Variants in MFAP5 observed in about 807,000 individuals in gnomAD.
MFAP5 encodes the protein microfibril associated protein 5.
In MFAP5, 19 loss-of-function variants were observed where a neutral mutation model predicts 30.1. That is an observed-to-expected ratio of 0.63 (90% CI 0.44 to 0.93). MFAP5 has a LOEUF of 0.93. Ranked by LOEUF, MFAP5 falls within the 40% of genes least tolerant of loss-of-function variation. The probability of loss-of-function intolerance (pLI) is 0.00; values close to 1 mark genes in which losing one functional copy is unlikely to be tolerated. For missense variants in MFAP5, 210 were observed against 221.3 expected (o/e 0.95, Z 0.32); for synonymous variants, 92 against 72.9 (o/e 1.26, Z -1.33).
At chr12:8,651,582 G>A in intron 7 of MFAP5, 80 bp downstream of exon 7, 1 of 1,359,676 alleles carries the variant, frequency 7.4e-7, no homozygotes, top group Non-Finnish European at 1.1e-6. Flanking sequence ...GATGTGCCAA[G>A]TACCCTCCAA....
At chr12:8,655,483 G>A in intron 4 of MFAP5, 36 bp from the exon 5 acceptor site, 2 of 1,592,790 alleles carry the variant, frequency 1.3e-6, no homozygotes, top group Non-Finnish European at 8.6e-7. Context: ...AAAAAATGCA[G>A]TCAGGAAAAG....
At chr12:8,656,649 C>CACATATAT (rs1265607160) in intron 3 of MFAP5, among the ~76,000 whole-genome samples, 3 of 109,076 alleles carry the variant, frequency 2.8e-5, no homozygotes, top group Non-Finnish European at 5.7e-5. Context: ...CACACACACA[C>CACATATAT]ATATATATAT....
At chr12:8,655,545 G>T in intron 4 of MFAP5, 98 bp from the exon 5 acceptor site, 4 of 1,301,186 alleles carry the variant, frequency 3.1e-6, no homozygotes, top group Non-Finnish European at 4.3e-6. Context: ...AGGCAAGAAA[G>T]GCTGAAGTGA....
At chr12:8,656,583 T>TATATATACACACACACACACACACAC (rs1941995098) in intron 3 of MFAP5, among the ~76,000 whole-genome samples, 1 of 135,668 alleles carries the variant, frequency 7.4e-6, no homozygotes, top group African/African-American at 3.0e-5. Flanking sequence ...AATATATATA[T>TATATATACACACACACACACACACAC]ATATATATAC....
chr12:8,662,205 C>G, intron 1 of MFAP5, 99 bp from the exon 2 acceptor site: 4 of 923,538 alleles, frequency 4.3e-6, no homozygotes, highest in South Asian at 3.3e-5. Context: ...GTCTCTTTGT[C>G]TTCCCAGAAC....
In MFAP5 at chr12:8,648,112, C is replaced by T; in HGVS notation, c.501G>A (p.Leu167=). The T allele has an allele frequency of 6.2e-7, 1 of 1,613,736 alleles. No individual in the cohort carries two copies. ...ATGATCACAGACCATTGGGTCTCTG[C>T]AAATCCACATTTTCACAGGGAGGAA... ...FRLPPCENVD[L]QRPNGL The change falls in exon 10 of 10, where the codon TTG becomes TTA. Residue 167 remains leucine (L), a synonymous_variant. Transcript: ENST00000359478.
In MFAP5 at chr12:8,659,818, A is replaced by G. The variant is rs75520414; in HGVS notation, c.94+1045T>C. 4.3e-3 allele frequency among the ~76,000 whole-genome samples: 651 copies of G among 152,322 alleles called. 4 individuals carry two copies. Among genetic ancestry groups the G allele is most frequent in the African/African-American group, 0.012 (486 of 41,564 alleles). On this transcript the variant is annotated intron_variant, in intron 3 of 9. Transcript: ENST00000359478. The stretch of plus-strand genomic sequence containing the variant: ...ACTTTACTCTTGCAAAACACATGCA[A>G]TGCATCCCGGTATATTTGTTTTGGT...
intron 6 of MFAP5, 144 bp downstream of exon 6, chr12:8,654,293 G>T (rs1941921978): frequency 1.4e-6 from 1 of 722,468 alleles, no homozygotes; most frequent in Non-Finnish European, 2.2e-6. Flanking sequence ...TCATTAATTT[G>T]AATTGAACTA....
chr12:8,653,192 CAAAAA>C (rs71451973), intron 6 of MFAP5, among the ~76,000 whole-genome samples: 3 of 110,978 alleles, frequency 2.7e-5, no homozygotes, highest in Admixed American at 9.6e-5. Context: ...GACTCTGTGT[CAAAAA>C]AAAAAAAAAA....
In MFAP5 at chr12:8,646,016, T is replaced by C. The variant is rs1941671407; in HGVS notation, c.*2075A>G. ...ATTTTAAAATGTTTAATTTGCAATA[T>C]ACATAATACTGGAATTGAAATGCTG... On this transcript the variant is annotated 3_prime_UTR_variant, in exon 10 of 10. Coordinates refer to ENST00000359478, the MANE Select transcript of MFAP5 (RefSeq NM_003480.4). 1 of 152,664 alleles carries C rather than the reference T, an allele frequency of 6.6e-6. No homozygotes were observed. The highest frequency in any genetic ancestry group is 1.5e-5 in the Non-Finnish European group (1 of 68,038). The allele number at this position is 152,664 out of a possible 1,614,324, so 9.5% of individuals were successfully genotyped here.
Position 8,646,183 on chromosome 12 carries a change from T to A in MFAP5, c.*1908A>T, listed in dbSNP as rs1323274380. 2.0e-5 allele frequency: 3 copies of A among 152,628 alleles called. No individual in the cohort carries two copies. The highest frequency in any genetic ancestry group is 2.9e-5 in the Non-Finnish European group (2 of 68,040). 9.5% of individuals were successfully genotyped at this position (152,628 alleles called of 1,614,324 possible). Reference sequence around the variant, plus strand: ...TTAATATGTTGTCTAAATGAGTACATTTAATTCTAGAGACTGTAAGGAGTA... The same window carrying A: ...TTAATATGTTGTCTAAATGAGTACAATTAATTCTAGAGACTGTAAGGAGTA... On this transcript the variant is annotated 3_prime_UTR_variant, in exon 10 of 10. Coordinates refer to ENST00000359478, the MANE Select transcript of MFAP5 (RefSeq NM_003480.4).
Position 8,648,001 on chromosome 12 carries a change from G to T in MFAP5, c.*90C>A. ...CAAAAGGATTGGTTTAAGAAATACT[G>T]TCTAAGGGTTAGCTGTCAATGGTTG... On this transcript the variant is annotated 3_prime_UTR_variant, in exon 10 of 10. Coordinates refer to ENST00000359478, the MANE Select transcript of MFAP5 (RefSeq NM_003480.4). 1.0e-6 allele frequency: 1 copy of T among 972,070 alleles called. No individual in the cohort carries two copies. The highest frequency in any genetic ancestry group is 1.6e-6 in the Non-Finnish European group (1 of 635,714). 60.2% of individuals were successfully genotyped at this position (972,070 alleles called of 1,614,324 possible).
At chr12:8,662,150 C>A in intron 1 of MFAP5, 44 bp from the exon 2 acceptor site, 1 of 1,553,154 alleles carries the variant, frequency 6.4e-7, no homozygotes, top group Non-Finnish European at 8.8e-7. Context: ...TGCTCAGAGG[C>A]ACATCAGCAT....
At chr12:8,655,657 C>T (rs1057442710) in intron 4 of MFAP5, 129 bp downstream of exon 4, 1 of 1,133,240 alleles carries the variant, frequency 8.8e-7, no homozygotes, top group Non-Finnish European at 1.3e-6. Context: ...AAGGTGACAA[C>T]AGAACTCTGC....
chr12:8,656,583 T>TATATACACACACACACACACACACAC (rs757975127), intron 3 of MFAP5, among the ~76,000 whole-genome samples: 13 of 135,664 alleles, frequency 9.6e-5, no homozygotes, highest in South Asian at 2.2e-4. Flanking sequence ...AATATATATA[T>TATATACACACACACACACACACACAC]ATATATATAC....
At position 8,651,633 on chromosome 12, in the gene MFAP5, T is replaced by C. The variant is rs750646954; in HGVS notation, c.247+29A>G. On this transcript the variant is annotated intron_variant, in intron 7 of 9. Coordinates refer to ENST00000359478, the MANE Select transcript of MFAP5 (RefSeq NM_003480.4). ...GGAATCCACAGGAAGAAAAAAAGGC[T>C]TAAGAAGGCATGCAAGCAACAATCA... 3.1e-6 allele frequency: 5 copies of C among 1,612,058 alleles called. No homozygotes were observed. The African/African-American group carries it at 5.3e-5, about 17-fold the overall frequency.
intron 1 of MFAP5, chr12:8,662,321 T>C: frequency 1.8e-6 from 1 of 549,586 alleles, no homozygotes; most frequent in Admixed American, 3.4e-5. Context: ...ACCATTATTC[T>C]TGCTTTTATT....
Position 8,656,625 on chromosome 12 carries a change from T to TAC in MFAP5, c.95-797_95-796dup, listed in dbSNP as rs1223209541. Among the ~76,000 whole-genome samples, 722 of 121,168 alleles carry TAC rather than the reference T, an allele frequency of 6.0e-3. 8 individuals are homozygous for TAC. The highest frequency in any genetic ancestry group is 0.011 in the East Asian group (48 of 4,424). The allele number at this position is 121,168 out of a possible 152,430, so 79.5% of individuals were successfully genotyped here. A position where few individuals can be genotyped will look rare whatever the true frequency, so the allele number is the denominator to read the frequency against. ...ACACACACACATATATATACACACA[T>TAC]ACACACACACACACACACACACACA... On this transcript the variant is annotated intron_variant, in intron 3 of 9. Coordinates refer to ENST00000359478, the MANE Select transcript of MFAP5 (RefSeq NM_003480.4).
intron 3 of MFAP5, among the ~76,000 whole-genome samples, chr12:8,656,280 C>T (rs1262064055): frequency 4.0e-5 from 6 of 151,724 alleles, no homozygotes; most frequent in Admixed American, 3.3e-4. Flanking sequence ...GATCTCCTGA[C>T]CTCGTGAACC....
Sources: allele counts gnomAD v4.1 joint callset (sites outside exome capture counted in the v4.1 genomes callset), GRCh38; gene constraint gnomAD v4.1.1; transcripts MANE v1.5; gene names NCBI Gene and HGNC (gene_info 2026-07-23, HGNC 2026-07-21).